PTBP3: variants seen among roughly 807,000 people sequenced by gnomAD.
PTBP3 encodes the protein polypyrimidine tract-binding protein 3.
In PTBP3, 20 loss-of-function variants were observed where a neutral mutation model predicts 58.7. The observed-to-expected ratio is 0.34, with a 90% CI of 0.24 to 0.50. The LOEUF is 0.50. Ranked by LOEUF, PTBP3 falls within the 20% of genes least tolerant of loss-of-function variation. The probability of loss-of-function intolerance (pLI) is 0.98; values close to 1 mark genes in which losing one functional copy is unlikely to be tolerated. For missense variants in PTBP3, 509 were observed against 637.2 expected, an observed-to-expected ratio of 0.80 and a Z score of 2.17; for synonymous variants, 185 against 219.8, an observed-to-expected ratio of 0.84 and a Z score of 1.40.
In PTBP3 at chr9:112,223,320, C is replaced by T; in HGVS notation, c.*531G>A. On this transcript the variant is annotated 3_prime_UTR_variant, in exon 14 of 14. Coordinates refer to ENST00000374257, the MANE Select transcript of PTBP3 (RefSeq NM_001163788.4). ...TCCAACACAACTCAATGTGTTTATGCATAATAACCATCAATATATGGCAAA... is the reference window on the plus strand; with the variant it reads ...TCCAACACAACTCAATGTGTTTATGTATAATAACCATCAATATATGGCAAA... 1.0e-6 allele frequency: 1 copy of T among 971,424 alleles called. No homozygotes were observed. Among genetic ancestry groups the T allele is most frequent in the African/African-American group, 1.8e-5 (1 of 56,986 alleles). The allele number at this position is 971,424 out of a possible 1,614,324, so 60.2% of individuals were successfully genotyped here. A position where few individuals can be genotyped will look rare whatever the true frequency, so the allele number is the denominator to read the frequency against.
the PTBP3 span, among the ~76,000 whole-genome samples, chr9:112,372,649 A>G: frequency 6.6e-6 from 1 of 152,154 alleles, no homozygotes; most frequent in Non-Finnish European, 1.5e-5. Flanking sequence ...ATTTATAGAA[A>G]TGGAATCATA....
At chr9:112,310,405 CAA>C (rs1829425475) in intron 1 of PTBP3, among the ~76,000 whole-genome samples, 1 of 152,178 alleles carries the variant, frequency 6.6e-6, no homozygotes, top group Non-Finnish European at 1.5e-5. Context: ...GATATCCAAT[CAA>C]AAAGACATTC....
At chr9:112,315,564 T>G (rs1316992483) in intron 1 of PTBP3, among the ~76,000 whole-genome samples, 1 of 152,074 alleles carries the variant, frequency 6.6e-6, no homozygotes, top group Non-Finnish European at 1.5e-5. Flanking sequence ...CCACTGTACT[T>G]CAGCCTGGGT....
upstream of PTBP3, among the ~76,000 whole-genome samples, chr9:112,335,996 C>G (rs1418038265): frequency 1.3e-5 from 2 of 151,922 alleles, no homozygotes; most frequent in Non-Finnish European, 2.9e-5. Context: ...GCCTCAGCCT[C>G]TGGAGTAGCT....
Position 112,235,113 on chromosome 9 carries a change from T to C in PTBP3, c.803-216A>G, listed in dbSNP as rs183844007. 2.8e-4 allele frequency among the ~76,000 whole-genome samples: 42 copies of C among 152,208 alleles called. No individual in the cohort carries two copies. The East Asian group carries it at 6.6e-3, about 24-fold the overall frequency. ...TTGGGTTCAAGGACCAAGAGTACAG[T>C]TTAGCTATGATTTAGTTTTGGACTA... is the stretch of plus-strand genomic sequence containing the variant. On this transcript the variant is annotated intron_variant, in intron 7 of 13. Coordinates refer to ENST00000374257, the MANE Select transcript of PTBP3 (RefSeq NM_001163788.4).
chr9:112,291,326 T>C (rs1828413832), intron 2 of PTBP3, among the ~76,000 whole-genome samples: 1 of 150,488 alleles, frequency 6.6e-6, no homozygotes, highest in Non-Finnish European at 1.5e-5. Context: ...ATCAATGCAA[T>C]CCTTATCAAA....
the PTBP3 span, among the ~76,000 whole-genome samples, chr9:112,343,130 C>A: frequency 2.1e-4 from 32 of 152,010 alleles, no homozygotes; most frequent in East Asian, 6.2e-3. Flanking sequence ...ATTTTGAGGA[C>A]AGAAAGTAAA....
chr9:112,300,490 C>G (rs1004787932), intron 1 of PTBP3, among the ~76,000 whole-genome samples: 3 of 152,236 alleles, frequency 2.0e-5, no homozygotes, highest in African/African-American at 7.2e-5. Context: ...TGGTGGCTCA[C>G]GCCTGTAATC....
chr9:112,369,253 T>A, the PTBP3 span, among the ~76,000 whole-genome samples: 1 of 152,124 alleles, frequency 6.6e-6, no homozygotes, highest in Non-Finnish European at 1.5e-5. Context: ...ATCCTCCAGG[T>A]CCTAGAATGA....
intron 5 of PTBP3, among the ~76,000 whole-genome samples, chr9:112,256,278 T>TATAC (rs1353819078): frequency 0.06 from 3,352 of 56,140 alleles, 77 homozygotes; most frequent in Admixed American, 0.067. Context: ...ACAAAATATA[T>TATAC]ATATATATAT....
chr9:112,253,657 G>A (rs1406575565), intron 5 of PTBP3, among the ~76,000 whole-genome samples: 1 of 152,138 alleles, frequency 6.6e-6, no homozygotes, highest in East Asian at 1.9e-4. Flanking sequence ...GAGACCTGGT[G>A]GGAGGTGACT....
the PTBP3 span, among the ~76,000 whole-genome samples, chr9:112,373,749 T>C: frequency 3.4e-4 from 52 of 152,212 alleles, no homozygotes; most frequent in African/African-American, 1.2e-3. Flanking sequence ...ATGAAGTCAA[T>C]AAATCTTATG....
the PTBP3 span, among the ~76,000 whole-genome samples, chr9:112,350,344 ATAAG>A: frequency 3.3e-5 from 5 of 152,208 alleles, no homozygotes; most frequent in Admixed American, 6.5e-5. Flanking sequence ...ATGTACAAAA[ATAAG>A]TAAATAAGAA....
rs1179084487 is a variant in PTBP3, at chr9:112,231,146, T to C, written c.1054+234A>G. The stretch of plus-strand genomic sequence containing the variant: ...AACAAGTCAGCTTAACTATCATTTC[T>C]ATTGAGTCCCTCTGCTAGGTTAGGT... On this transcript the variant is annotated intron_variant, in intron 10 of 13. Transcript: ENST00000374257. 1.3e-5 allele frequency among the ~76,000 whole-genome samples: 2 copies of C among 150,354 alleles called. 1 individual carries two copies. The highest frequency in any genetic ancestry group is 5.0e-5 in the African/African-American group (2 of 39,764).
intron 1 of PTBP3, among the ~76,000 whole-genome samples, chr9:112,320,295 T>TAAA (rs1829877518): frequency 2.8e-4 from 10 of 35,866 alleles, no homozygotes; most frequent in African/African-American, 1.9e-3. Context: ...AAAAAAAATA[T>TAAA]ATATATATAT....
At chr9:112,308,738 G>C (rs1024002925) in intron 1 of PTBP3, among the ~76,000 whole-genome samples, 16 of 151,930 alleles carry the variant, frequency 1.1e-4, no homozygotes, top group Non-Finnish European at 1.9e-4. Context: ...TGGCGGGGCA[G>C]GTGCTGGCTG....
In PTBP3 at chr9:112,222,668, C is replaced by T. The variant is rs1333180032; in HGVS notation, c.*1183G>A. 4 of 984,614 alleles carry T rather than the reference C, an allele frequency of 4.1e-6. No homozygotes were observed. The African/African-American group carries it at 7.0e-5, about 17-fold the overall frequency. The allele number at this position is 984,614 out of a possible 1,614,324, so 61.0% of individuals were successfully genotyped here. A position where few individuals can be genotyped will look rare whatever the true frequency, so the allele number is the denominator to read the frequency against. On this transcript the variant is annotated 3_prime_UTR_variant, in exon 14 of 14. Transcript: ENST00000374257. ...ACTTATTGAAAACCACTTAAAATTGCAATGAAAAAAATTTTAAATCCTTAC... is the reference window on the plus strand; with the variant it reads ...ACTTATTGAAAACCACTTAAAATTGTAATGAAAAAAATTTTAAATCCTTAC...
At chr9:112,339,155 G>T in the PTBP3 span, among the ~76,000 whole-genome samples, 1 of 151,984 alleles carries the variant, frequency 6.6e-6, no homozygotes, top group African/African-American at 2.4e-5. Flanking sequence ...GCCAGGCGTG[G>T]TGGCTCATGC....
At position 112,258,051 on chromosome 9, in the gene PTBP3, G is replaced by T. The variant is rs565022792; in HGVS notation, c.516+4384C>A. Among the ~76,000 whole-genome samples, 5 of 151,740 alleles carry T rather than the reference G, an allele frequency of 3.3e-5. No individual in the cohort carries two copies. In the East Asian group the frequency reaches 9.7e-4, roughly 29 times the overall value. On this transcript the variant is annotated intron_variant, in intron 5 of 13. Transcript: ENST00000374257. ...GTTTTTGTAGCCAATGAAATAACATGATTTAAGAACCAGAATTTCATATTA... is the reference window on the plus strand; with the variant it reads ...GTTTTTGTAGCCAATGAAATAACATTATTTAAGAACCAGAATTTCATATTA...
Sources: gnomAD v4.1 joint callset for allele counts (sites outside exome capture counted in the v4.1 genomes callset) on GRCh38, gnomAD v4.1.1 for gene constraint, MANE v1.5 for transcripts, NCBI Gene and HGNC (gene_info 2026-07-23, HGNC 2026-07-21) for gene names.